KCNH1: variants seen among roughly 807,000 people sequenced by gnomAD.
The protein encoded by KCNH1 is potassium voltage-gated channel subfamily H member 1, also known as voltage-gated delayed rectifier potassium channel KCNH1.
KCNH1 carries 27 observed loss-of-function variants against 69.2 expected under a neutral mutation model. The observed-to-expected ratio is 0.39, with a 90% confidence interval of 0.29 to 0.54. The LOEUF (loss-of-function observed/expected upper bound fraction) is 0.54. KCNH1 is among the 20% of genes least tolerant of loss of function. The pLI is 0.68. For missense variants in KCNH1, 798 were observed against 1,261.6 expected (o/e 0.63, Z 5.57); for synonymous variants, 456 against 487.7 (o/e 0.93, Z 0.86).
intron 7 of KCNH1, among the ~76,000 whole-genome samples, chr1:210,892,503 T>G (rs1686771020): frequency 1.3e-5 from 2 of 152,126 alleles, no homozygotes; most frequent in South Asian, 4.1e-4. Flanking sequence ...CCCCCACACA[T>G]GCCTCCATCC....
intron 9 of KCNH1, among the ~76,000 whole-genome samples, chr1:210,795,508 A>G (rs888762305): frequency 2.6e-5 from 4 of 152,162 alleles, no homozygotes; most frequent in Non-Finnish European, 5.9e-5. Flanking sequence ...CTGAAGGAAT[A>G]TAAATCATCC....
chr1:211,013,256 A>C (rs534958749), intron 6 of KCNH1, among the ~76,000 whole-genome samples: 2 of 152,338 alleles, frequency 1.3e-5, no homozygotes, highest in South Asian at 4.1e-4. Context: ...AAGAGCAGGG[A>C]ATAGTGAGCC....
intron 6 of KCNH1, among the ~76,000 whole-genome samples, chr1:210,974,443 G>T (rs1328354129): frequency 6.6e-6 from 1 of 151,834 alleles, no homozygotes; most frequent in East Asian, 1.9e-4. Context: ...TCGTTTAGGA[G>T]CTTTGTGTCT....
chr1:210,964,877 G>A (rs1688369697), intron 6 of KCNH1, among the ~76,000 whole-genome samples: 1 of 152,130 alleles, frequency 6.6e-6, no homozygotes, highest in South Asian at 2.1e-4. Context: ...ACCGAATCCA[G>A]CAGCACATCA....
At chr1:210,715,126 A>C (rs147223081) in intron 10 of KCNH1, among the ~76,000 whole-genome samples, 336 of 152,290 alleles carry the variant, frequency 2.2e-3, no homozygotes, top group Admixed American at 3.9e-3. Flanking sequence ...ATGACAGCTC[A>C]AAGTTCTGGG....
In KCNH1 at chr1:210,992,967, C is replaced by G. The variant is rs144318114; in HGVS notation, c.1032+25816G>C. On this transcript the variant is annotated intron_variant, in intron 6 of 10. Coordinates refer to ENST00000271751, the MANE Select transcript of KCNH1 (RefSeq NM_172362.3). ...CACGAGTAGGGAGAGGACAAGCTGTCTCCAGCACCTCCACCCATGTCTCTG... is the reference window on the plus strand; with the variant it reads ...CACGAGTAGGGAGAGGACAAGCTGTGTCCAGCACCTCCACCCATGTCTCTG... Among the ~76,000 whole-genome samples the G allele has an allele frequency of 5.6e-3, 858 of 152,254 alleles. 2 individuals carry two copies. The highest frequency in any genetic ancestry group is 0.01 in the Middle Eastern group (3 of 294).
chr1:211,124,242 G>A (rs963794925), intron 1 of KCNH1, among the ~76,000 whole-genome samples: 4 of 152,136 alleles, frequency 2.6e-5, no homozygotes, highest in African/African-American at 9.7e-5. Context: ...AAAAGCAAGG[G>A]CAGGCACATA....
chr1:211,077,402 G>A (rs367578775), intron 5 of KCNH1, among the ~76,000 whole-genome samples: 22 of 152,256 alleles, frequency 1.4e-4, no homozygotes, highest in South Asian at 6.2e-4. Flanking sequence ...GACTAACAGC[G>A]GATCTCTCAG....
intron 6 of KCNH1, among the ~76,000 whole-genome samples, chr1:211,001,272 A>C (rs1408066343): frequency 6.6e-6 from 1 of 152,180 alleles, no homozygotes; most frequent in Non-Finnish European, 1.5e-5. Flanking sequence ...CATCTGACAA[A>C]GGGCTAATAT....
intron 1 of KCNH1, among the ~76,000 whole-genome samples, chr1:211,114,759 T>G (rs1450133636): frequency 6.6e-6 from 1 of 152,144 alleles, no homozygotes; most frequent in African/African-American, 2.4e-5. Context: ...TCTGGGATTA[T>G]TTACTATTTT....
chr1:210,898,039 T>C (rs541060384), intron 7 of KCNH1, among the ~76,000 whole-genome samples: 1 of 152,194 alleles, frequency 6.6e-6, no homozygotes, highest in Non-Finnish European at 1.5e-5. Flanking sequence ...AATGCCTTTC[T>C]AAACAATTCT....
At chr1:210,710,305 G>A (rs903076106) in intron 10 of KCNH1, among the ~76,000 whole-genome samples, 3 of 148,436 alleles carry the variant, frequency 2.0e-5, no homozygotes, top group Non-Finnish European at 4.4e-5. Context: ...GTAAGTCAGT[G>A]GTAAGTGAAT....
intron 5 of KCNH1, among the ~76,000 whole-genome samples, chr1:211,056,679 G>A (rs6540652): frequency 0.37 from 55,886 of 151,970 alleles, 10,828 homozygotes; most frequent in South Asian, 0.45. Flanking sequence ...GAAAGGGGCA[G>A]GTAGCTCGGC....
chr1:210,938,741 A>G (rs997849043), intron 6 of KCNH1, among the ~76,000 whole-genome samples: 1 of 152,244 alleles, frequency 6.6e-6, no homozygotes, highest in African/African-American at 2.4e-5. Context: ...ACATTTCTCA[A>G]TATCCCAGTG....
At chr1:210,966,728 G>A (rs1336030764) in intron 6 of KCNH1, among the ~76,000 whole-genome samples, 1 of 152,220 alleles carries the variant, frequency 6.6e-6, no homozygotes. Context: ...AGATGCTGGA[G>A]AGGAGGCAGA....
intron 6 of KCNH1, among the ~76,000 whole-genome samples, chr1:210,994,696 C>T (rs1364788503): frequency 6.6e-6 from 1 of 152,144 alleles, no homozygotes; most frequent in Non-Finnish European, 1.5e-5. Context: ...TCAGTCTAAA[C>T]TCAATTTTTG....
At chr1:210,953,561 G>C (rs1311262275) in intron 6 of KCNH1, among the ~76,000 whole-genome samples, 4 of 152,036 alleles carry the variant, frequency 2.6e-5, no homozygotes, top group Non-Finnish European at 5.9e-5. Context: ...GTCTTCTCTT[G>C]CACGGAATAC....
chr1:211,134,099 A>G lies in KCNH1; in HGVS notation c.-154T>C. On this transcript the variant is annotated 5_prime_UTR_variant, in exon 1 of 11. Coordinates refer to ENST00000271751, the MANE Select transcript of KCNH1 (RefSeq NM_172362.3). This position sits in a 1 kb window ranked among gnomAD's most constrained non-coding sequence, Gnocchi z 5.7. ...GGGCTGGCGGCTCCCTCTGGCTGCT[A>G]CCCTCGCGCCCTCTTCGCGCCTCCC... is the stretch of plus-strand genomic sequence containing the variant. 1 of 583,016 alleles carries G rather than the reference A, an allele frequency of 1.7e-6. No individual in the cohort carries two copies. The highest frequency in any genetic ancestry group is 2.9e-6 in the Non-Finnish European group (1 of 339,074). The allele number at this position is 583,016 out of a possible 1,614,324, so 36.1% of individuals were successfully genotyped here. A position where few individuals can be genotyped will look rare whatever the true frequency, so the allele number is the denominator to read the frequency against.
intron 5 of KCNH1, among the ~76,000 whole-genome samples, chr1:211,037,752 A>C (rs1423191927): frequency 6.6e-6 from 1 of 152,002 alleles, no homozygotes; most frequent in African/African-American, 2.4e-5. Context: ...GGAGAGCAAG[A>C]CCATACCTTG....
Sources: gnomAD v4.1 joint callset for allele counts (sites outside exome capture counted in the v4.1 genomes callset) on GRCh38, gnomAD v4.1.1 for gene constraint, Gnocchi (gnomAD v3.1) non-coding constraint, MANE v1.5 for transcripts, NCBI Gene and HGNC (gene_info 2026-07-23, HGNC 2026-07-21) for gene names.